The following ENOSF1 variants were observed in gnomAD, a reference collection of about 807,000 sequenced individuals.
ENOSF1 encodes mitochondrial enolase superfamily member 1.
A neutral mutation model predicts 68.2 loss-of-function variants in ENOSF1; 73 were observed. The ratio of observed to expected loss-of-function variants is 1.07; its 90% CI spans 0.89 to 1.30. The LOEUF is 1.30. Among genes scored for constraint, ENOSF1 ranks in the 50% most tolerant of loss-of-function variants. ENOSF1 has a pLI of 0.00. For missense variants in ENOSF1, 589 were observed against 554.5 expected, an observed-to-expected ratio of 1.06 and a Z score of -0.62; for synonymous variants, 223 against 210.4, an observed-to-expected ratio of 1.06 and a Z score of -0.52.
rs1270956527 is a variant in ENOSF1, at chr18:673,561, G to T, written c.*744C>A. 3.3e-5 allele frequency: 6 copies of T among 183,102 alleles called. No individual in the cohort carries two copies. The highest frequency in any genetic ancestry group is 1.4e-4 in the African/African-American group (6 of 42,482). The allele number at this position is 183,102 out of a possible 1,614,324, so 11.3% of individuals were successfully genotyped here. A position where few individuals can be genotyped will look rare whatever the true frequency, so the allele number is the denominator to read the frequency against. On this transcript the variant is annotated 3_prime_UTR_variant, in exon 16 of 16. Transcript: ENST00000647584. Reference sequence around the variant, plus strand: ...CAGTTCCTTCCTAAAATAGATTAAAGAACTCTCCTTAAGTAAACATGTGCT... The same window carrying T: ...CAGTTCCTTCCTAAAATAGATTAAATAACTCTCCTTAAGTAAACATGTGCT...
intron 7 of ENOSF1, 184 bp downstream of exon 7, chr18:690,884 A>T: frequency 7.9e-7 from 1 of 1,267,240 alleles, no homozygotes; most frequent in South Asian, 1.5e-5. Flanking sequence ...CAGTGGCTGA[A>T]GCAAACTCTG....
rs1256121474 is a variant in ENOSF1, at chr18:706,469, C to G, written c.193+1G>C. 6.2e-7 allele frequency: 1 copy of G among 1,603,978 alleles called. No individual in the cohort carries two copies. Among genetic ancestry groups the G allele is most frequent in the East Asian group, 2.2e-5 (1 of 44,830 alleles). ...GAACCTCGAGAGAATCTTCAACTCA[C>G]CAACTTCAGTGCCTTTTCCCAGAGT... On this transcript the variant is annotated splice_donor_variant, in intron 2 of 15. Transcript: ENST00000647584. LOFTEE classifies it high-confidence loss of function.
intron 15 of ENOSF1, among the ~76,000 whole-genome samples, chr18:674,798 G>GC (rs577575284): frequency 6.6e-6 from 1 of 152,348 alleles, no homozygotes; most frequent in South Asian, 2.1e-4. Context: ...GGGATTACAG[G>GC]CGTAAGCCAC....
chr18:666,569 C>T (rs2144291274), downstream of ENOSF1, among the ~76,000 whole-genome samples: 1 of 152,296 alleles, frequency 6.6e-6, no homozygotes, highest in East Asian at 1.9e-4. Context: ...ACTAGCTGGG[C>T]AGAGACCAGC....
intron 2 of ENOSF1, among the ~76,000 whole-genome samples, chr18:703,714 T>C (rs1437314584): frequency 6.6e-6 from 1 of 152,204 alleles, no homozygotes; most frequent in East Asian, 1.9e-4. Flanking sequence ...CCTGAGCCTT[T>C]TGGACAGAGT....
At chr18:693,040 G>A in intron 5 of ENOSF1, 1 of 1,270,982 alleles carries the variant, frequency 7.9e-7, no homozygotes, top group African/African-American at 1.5e-5. Flanking sequence ...GCTCAGAGTG[G>A]GGAAGTCACA....
chr18:693,340 G>T, intron 5 of ENOSF1: 3 of 1,203,984 alleles, frequency 2.5e-6, no homozygotes, highest in Non-Finnish European at 3.2e-6. Context: ...TTCTTTTTTT[G>T]AGACAGGGTC....
At position 675,482 on chromosome 18, in the gene ENOSF1, C is replaced by A; in HGVS notation, c.1149-80G>T. 4 of 1,209,776 alleles carry A rather than the reference C, an allele frequency of 3.3e-6. No individual in the cohort carries two copies. The South Asian group carries it at 5.1e-5, about 16-fold the overall frequency. The allele number at this position is 1,209,776 out of a possible 1,614,324, so 74.9% of individuals were successfully genotyped here. On this transcript the variant is annotated intron_variant, in intron 14 of 15. Coordinates refer to ENST00000647584, the MANE Select transcript of ENOSF1 (RefSeq NM_017512.7). ...TGGTGCTAACTTAAAGCAGAAGGAG[C>A]GAGTACCACTCAATTGACAGTGTTG... is the stretch of plus-strand genomic sequence containing the variant.
the ENOSF1 span, among the ~76,000 whole-genome samples, chr18:664,356 CA>C: frequency 6.7e-6 from 1 of 149,440 alleles, no homozygotes. Flanking sequence ...GTGATTTTTG[CA>C]GATTGATTTT....
Position 691,113 on chromosome 18 carries a change from G to A in ENOSF1, c.497-7C>T, listed in dbSNP as rs756123052. 1.6e-5 allele frequency: 26 copies of A among 1,613,908 alleles called. No individual in the cohort carries two copies. The highest frequency in any genetic ancestry group is 1.3e-5 in the African/African-American group (1 of 74,922). On this transcript the variant is annotated splice_region_variant and splice_polypyrimidine_tract_variant and intron_variant, in intron 6 of 15. Coordinates refer to ENST00000647584, the MANE Select transcript of ENOSF1 (RefSeq NM_017512.7). ...TGACCTTTCTGCAGTATTTCTGGAA[G>A]AAATAAAAAGCATCACTCACTCTTT...
chr18:678,902 G>C (rs1339702715), intron 11 of ENOSF1, among the ~76,000 whole-genome samples, 165 bp from the exon 12 acceptor site: 1 of 152,222 alleles, frequency 6.6e-6, no homozygotes. Context: ...GTGCGGGAGG[G>C]CTCTGTGTAT....
chr18:683,758 A>G (rs977540829), intron 10 of ENOSF1, among the ~76,000 whole-genome samples: 7 of 151,822 alleles, frequency 4.6e-5, no homozygotes, highest in African/African-American at 1.7e-4. Flanking sequence ...CCATTTTGTC[A>G]CATTCTGAAT....
chr18:684,079 T>C (rs985134326), intron 10 of ENOSF1, among the ~76,000 whole-genome samples: 8 of 151,754 alleles, frequency 5.3e-5, no homozygotes, highest in African/African-American at 1.2e-4. Context: ...CTGCAACCTC[T>C]GCCTCCCAGG....
intron 11 of ENOSF1, 176 bp downstream of exon 11, chr18:683,070 G>GA: frequency 1.3e-6 from 1 of 754,726 alleles, no homozygotes; most frequent in South Asian, 2.1e-5. Flanking sequence ...AGCTGAAGTA[G>GA]AAAAAGGAAT....
rs2075060061 is a variant in ENOSF1, at chr18:671,729, GCATTTTAACT to G, written c.*2566_*2575del. The G allele has an allele frequency of 2.3e-6, 1 of 432,182 alleles. No individual in the cohort carries two copies. The highest frequency in any genetic ancestry group is 3.5e-5 in the South Asian group (1 of 28,520). The allele number at this position is 432,182 out of a possible 1,614,324, so 26.8% of individuals were successfully genotyped here. ...AAGCCAGGGGATTGTCCAAAAGGGG[GCATTTTAACT>G]CATTTTAACTTGAAGGAGAATTGAA... On this transcript the variant is annotated 3_prime_UTR_variant, in exon 16 of 16. Transcript: ENST00000647584.
In ENOSF1 at chr18:673,279, TG is replaced by T. The variant is rs2075152137; in HGVS notation, c.*1025del. The T allele has an allele frequency of 3.6e-6, 1 of 278,418 alleles. No homozygotes were observed. Among genetic ancestry groups the T allele is most frequent in the African/African-American group, 2.1e-5 (1 of 46,548 alleles). 17.2% of individuals were successfully genotyped at this position (278,418 alleles called of 1,614,324 possible). On this transcript the variant is annotated 3_prime_UTR_variant, in exon 16 of 16. Transcript: ENST00000647584. Reference sequence around the variant, plus strand: ...AATGTATGTGCTCTTAGCAAAAACATGTATGTGCATTTCAATCCCACGTACT... The same window carrying T: ...AATGTATGTGCTCTTAGCAAAAACATTATGTGCATTTCAATCCCACGTACT...
In ENOSF1 at chr18:697,245, T is replaced by C; in HGVS notation, c.304A>G (p.Arg102Gly). 6.2e-7 allele frequency: 1 copy of C among 1,612,868 alleles called. No individual in the cohort carries two copies. The highest frequency in any genetic ancestry group is 8.5e-7 in the Non-Finnish European group (1 of 1,178,834). The change falls in exon 3 of 16, where the codon AGA becomes GGA. Residue 102 changes from arginine to glycine, a missense_variant. By Grantham distance (125) the Arg-to-Gly change is moderately radical (BLOSUM62 -2). Coordinates refer to ENST00000647584, the MANE Select transcript of ENOSF1 (RefSeq NM_017512.7). Reference sequence around the variant, plus strand: ...TTACAAAATAGGTCCCTTACCCATCTGAGCTGCCCATCACTTGTGAGCTGC... The same window carrying C: ...TTACAAAATAGGTCCCTTACCCATCCGAGCTGCCCATCACTTGTGAGCTGC... ...YRQLTSDGQL[R>G]WIGPEKGVVH... is the part of the protein sequence containing the mutation.
At chr18:667,473 GGT>G (rs2074873827), downstream of ENOSF1, among the ~76,000 whole-genome samples, 1 of 20,934 alleles carries the variant, frequency 4.8e-5, no homozygotes, top group Non-Finnish European at 8.9e-5. Context: ...AGATGGTGAT[GGT>G]GATGGTGATG....
chr18:693,926 A>C lies in ENOSF1; in HGVS notation c.397-18T>G, dbSNP rs777407102. 6.2e-7 allele frequency: 1 copy of C among 1,613,878 alleles called. No individual in the cohort carries two copies. The highest frequency in any genetic ancestry group is 8.5e-7 in the Non-Finnish European group (1 of 1,179,910). ...CAGACAGGCTTGAAGTAAAAAAGAA[A>C]GGATTTGTAAGACATATGTGTAAAG... On this transcript the variant is annotated intron_variant, in intron 4 of 15. Transcript: ENST00000647584.
Sources: allele counts gnomAD v4.1 joint callset (sites outside exome capture counted in the v4.1 genomes callset), GRCh38; gene constraint gnomAD v4.1.1; transcripts MANE v1.5; gene names NCBI Gene and HGNC (gene_info 2026-07-23, HGNC 2026-07-21).